The following DPM1 variants were observed in gnomAD, a reference collection of about 807,000 sequenced individuals.
DPM1 encodes the protein dolichyl-phosphate mannosyltransferase subunit 1, catalytic, also known as dolichol-phosphate mannosyltransferase subunit 1.
A neutral mutation model predicts 39.0 loss-of-function variants in DPM1; 27 were observed. That is an observed-to-expected ratio of 0.69 (90% CI 0.51 to 0.95). The LOEUF is 0.95. DPM1 is among the 40% of genes least tolerant of loss of function. The probability of loss-of-function intolerance (pLI) is 0.00; values close to 1 mark genes in which losing one functional copy is unlikely to be tolerated. For missense variants in DPM1, 307 were observed against 315.6 expected (o/e 0.97, Z 0.21); for synonymous variants, 124 against 109.0 (o/e 1.14, Z -0.86).
At chr20:50,938,659 C>T (rs982876815) in intron 7 of DPM1, among the ~76,000 whole-genome samples, 1 of 148,930 alleles carries the variant, frequency 6.7e-6, no homozygotes, top group Non-Finnish European at 1.5e-5. Flanking sequence ...GGATTACAGG[C>T]GTGAGCCACC....
intron 6 of DPM1, chr20:50,941,261 TATAA>T (rs1161549251): frequency 2.5e-5 from 4 of 159,308 alleles, no homozygotes; most frequent in African/African-American, 7.1e-5. Context: ...TATATATATA[TATAA>T]ATAAAATACA....
chr20:50,944,083 G>A (rs1442541438), intron 5 of DPM1, among the ~76,000 whole-genome samples: 2 of 152,140 alleles, frequency 1.3e-5, no homozygotes, highest in African/African-American at 4.8e-5. Flanking sequence ...TCCCAAATTT[G>A]AACACATATT....
chr20:50,957,311 AC>A (rs943168311), intron 1 of DPM1, among the ~76,000 whole-genome samples: 3 of 152,210 alleles, frequency 2.0e-5, no homozygotes, highest in African/African-American at 7.2e-5. Flanking sequence ...CCAAACTTGT[AC>A]AACCTTTTTT....
chr20:50,940,496 T>C (rs776832630), intron 7 of DPM1, among the ~76,000 whole-genome samples: 5 of 152,314 alleles, frequency 3.3e-5, no homozygotes, highest in Middle Eastern at 3.4e-3. Context: ...GAGCTCTATA[T>C]AAATATTAAA....
intron 5 of DPM1, among the ~76,000 whole-genome samples, chr20:50,943,610 C>T (rs932991335): frequency 6.6e-6 from 1 of 152,098 alleles, no homozygotes; most frequent in Admixed American, 6.6e-5. Context: ...CCGCCCGCCT[C>T]AGCCTCCCAA....
chr20:50,956,608 C>CT (rs1393880226), intron 1 of DPM1, among the ~76,000 whole-genome samples: 1 of 151,900 alleles, frequency 6.6e-6, no homozygotes, highest in Non-Finnish European at 1.5e-5. Flanking sequence ...CTGTTAAAGG[C>CT]TTTAACAAGT....
intron 3 of DPM1, among the ~76,000 whole-genome samples, chr20:50,947,269 G>C (rs1472866866): frequency 1.3e-5 from 2 of 152,242 alleles, no homozygotes; most frequent in Non-Finnish European, 2.9e-5. Context: ...TACTCGGGAG[G>C]CTGAGGCACA....
chr20:50,946,672 G>A (rs1303056929), intron 3 of DPM1, among the ~76,000 whole-genome samples: 1 of 152,226 alleles, frequency 6.6e-6, no homozygotes, highest in African/African-American at 2.4e-5. Flanking sequence ...TGGCAGGCTA[G>A]GGTAACTTGT....
At chr20:50,941,749 A>C (rs1985846645) in intron 6 of DPM1, among the ~76,000 whole-genome samples, 1 of 152,208 alleles carries the variant, frequency 6.6e-6, no homozygotes, top group African/African-American at 2.4e-5. Context: ...CCAAAAGTAT[A>C]GAACAGGTCA....
chr20:50,939,920 C>T lies in DPM1; in HGVS notation c.563+945G>A, dbSNP rs944093756. On this transcript the variant is annotated intron_variant, in intron 7 of 8. Coordinates refer to ENST00000371588, the MANE Select transcript of DPM1 (RefSeq NM_003859.3). ...AAGCCACTGCCCATCCACCAGCCAA[C>T]GCCCATCCGCAATCAGAGATCTTAA... 4.6e-5 allele frequency among the ~76,000 whole-genome samples: 7 copies of T among 152,310 alleles called. No homozygotes were observed. In the East Asian group the frequency reaches 1.2e-3, roughly 25 times the overall value.
At chr20:50,942,414 A>T (rs1257623704) in intron 5 of DPM1, among the ~76,000 whole-genome samples, 1 of 151,922 alleles carries the variant, frequency 6.6e-6, no homozygotes, top group Admixed American at 6.6e-5. Context: ...GCTGAGGCAG[A>T]GAATCACTTG....
intron 3 of DPM1, among the ~76,000 whole-genome samples, chr20:50,947,325 T>C (rs953910392): frequency 6.6e-6 from 1 of 152,216 alleles, no homozygotes; most frequent in Non-Finnish European, 1.5e-5. Flanking sequence ...GAGCCGAGAT[T>C]GTGCCACTGC....
chr20:50,954,843 G>GAC (rs1004790746), intron 2 of DPM1, among the ~76,000 whole-genome samples: 1 of 152,108 alleles, frequency 6.6e-6, no homozygotes, highest in Middle Eastern at 3.2e-3. Context: ...GAAAGATTAA[G>GAC]ACACACACAC....
chr20:50,945,975 T>A (rs752097103), intron 3 of DPM1, 52 bp from the exon 4 acceptor site: 3 of 1,486,940 alleles, frequency 2.0e-6, no homozygotes, highest in Non-Finnish European at 2.8e-6. Context: ...TCTTTACATA[T>A]ACATTTGAAC....
At chr20:50,945,692 A>G (rs1370146234) in intron 5 of DPM1, 45 bp downstream of exon 5, 3 of 1,466,012 alleles carry the variant, frequency 2.0e-6, no homozygotes, top group Non-Finnish European at 2.9e-6. Flanking sequence ...AGTAAGATAA[A>G]TGTTTCCAGT....
intron 1 of DPM1, among the ~76,000 whole-genome samples, chr20:50,955,604 T>C (rs796607326): frequency 2.0e-5 from 3 of 152,356 alleles, no homozygotes; most frequent in African/African-American, 7.2e-5. Context: ...GGAGTCTTGC[T>C]CTGTTGCCAG....
chr20:50,955,353 T>A, intron 1 of DPM1, 68 bp from the exon 2 acceptor site: 1 of 1,102,806 alleles, frequency 9.1e-7, no homozygotes. Context: ...ATTTAAAAAT[T>A]ACTAATTCCT....
intron 7 of DPM1, among the ~76,000 whole-genome samples, chr20:50,940,085 T>TG (rs1438149141): frequency 8.0e-6 from 1 of 124,752 alleles, no homozygotes; most frequent in Non-Finnish European, 1.7e-5. Context: ...CAGGTCCTAA[T>TG]TTGTGTGTGT....
intron 7 of DPM1, among the ~76,000 whole-genome samples, chr20:50,938,388 A>AT (rs1317989390): frequency 0.034 from 4,946 of 143,586 alleles, 236 homozygotes; most frequent in African/African-American, 0.11. Flanking sequence ...ATTAAAAAAA[A>AT]TTTTTTTTTT....
Sources: gnomAD v4.1 joint callset for allele counts (sites outside exome capture counted in the v4.1 genomes callset) on GRCh38, gnomAD v4.1.1 for gene constraint, MANE v1.5 for transcripts, NCBI Gene and HGNC (gene_info 2026-07-23, HGNC 2026-07-21) for gene names.